Variants in MAD1L1 observed in about 807,000 individuals in gnomAD.
MAD1L1 encodes the protein mitotic arrest deficient 1 like 1, also known as mitotic spindle assembly checkpoint protein MAD1.
In MAD1L1, 95 loss-of-function variants were observed where a neutral mutation model predicts 96.9. The ratio of observed to expected loss-of-function variants is 0.98; its 90% CI spans 0.83 to 1.16. The LOEUF (loss-of-function observed/expected upper bound fraction) is 1.16, where lower values mean the gene tolerates loss of function less well. Ranked by LOEUF, MAD1L1 falls within the 50% of genes most tolerant of loss-of-function variation. The probability of loss-of-function intolerance (pLI) is 0.00; values close to 1 mark genes in which losing one functional copy is unlikely to be tolerated. For synonymous variants in MAD1L1, 473 were observed against 396.6 expected (o/e 1.19, Z -2.29); for missense variants, 1,007 against 954.4 (o/e 1.06, Z -0.73).
intron 15 of MAD1L1, among the ~76,000 whole-genome samples, chr7:1,979,750 C>T (rs964582034): frequency 1.3e-5 from 2 of 152,220 alleles, no homozygotes; most frequent in Non-Finnish European, 2.9e-5. Flanking sequence ...GGCTGCTGGA[C>T]ACGCCTGGCT....
At chr7:1,995,066 C>G (rs920597389) in intron 14 of MAD1L1, among the ~76,000 whole-genome samples, 2 of 152,224 alleles carry the variant, frequency 1.3e-5, no homozygotes, top group African/African-American at 4.8e-5. Flanking sequence ...GGTCTCTGTT[C>G]CCTCAGACAA....
intron 18 of MAD1L1, among the ~76,000 whole-genome samples, chr7:1,887,861 A>ACGTGTGTGTGTGGCTGCCTGGG (rs138793674): frequency 0.69 from 90,363 of 131,094 alleles, 30,726 homozygotes; most frequent in African/African-American, 0.8. Context: ...GTGTGTGTGC[A>ACGTGTGTGTGTGGCTGCCTGGG]CGTGTGTGTG....
chr7:2,069,739 C>T (rs1316387740), intron 11 of MAD1L1, among the ~76,000 whole-genome samples: 1 of 152,198 alleles, frequency 6.6e-6, no homozygotes, highest in African/African-American at 2.4e-5. Flanking sequence ...GGGGCCTGTT[C>T]TAAAAACATT....
At chr7:1,833,858 G>C (rs746099674) in intron 18 of MAD1L1, among the ~76,000 whole-genome samples, 13 of 152,196 alleles carry the variant, frequency 8.5e-5, no homozygotes, top group Non-Finnish European at 1.6e-4. Flanking sequence ...GGAGGCAGGA[G>C]AATCACTTGA....
intron 18 of MAD1L1, among the ~76,000 whole-genome samples, chr7:1,861,392 G>T (rs1239475088): frequency 6.6e-6 from 1 of 152,320 alleles, no homozygotes; most frequent in East Asian, 1.9e-4. Context: ...CTAAACAGAA[G>T]CGTCACTGCT....
intron 18 of MAD1L1, among the ~76,000 whole-genome samples, chr7:1,877,692 A>G (rs1479648057): frequency 6.6e-6 from 1 of 152,190 alleles, no homozygotes; most frequent in Non-Finnish European, 1.5e-5. Context: ...AGAAATATAG[A>G]TAGGTATATA....
At chr7:1,951,315 G>A (rs991501617) in intron 16 of MAD1L1, among the ~76,000 whole-genome samples, 4 of 152,238 alleles carry the variant, frequency 2.6e-5, no homozygotes, top group Admixed American at 6.5e-5. Context: ...AGGAGTGACC[G>A]AAGGACAGAG....
At chr7:2,178,423 C>T (rs567260130) in intron 10 of MAD1L1, among the ~76,000 whole-genome samples, 8 of 152,278 alleles carry the variant, frequency 5.3e-5, no homozygotes, top group South Asian at 2.1e-4. Flanking sequence ...TCAAAGATGG[C>T]GGTGCACATG....
chr7:2,164,147 C>T (rs537300870), intron 10 of MAD1L1, among the ~76,000 whole-genome samples: 53 of 152,252 alleles, frequency 3.5e-4, no homozygotes, highest in African/African-American at 1.2e-3. Context: ...TATAACGAAC[C>T]GCTGTATAAA....
chr7:1,874,936 A>G (rs1268601028), intron 18 of MAD1L1, among the ~76,000 whole-genome samples: 2 of 152,120 alleles, frequency 1.3e-5, no homozygotes, highest in Non-Finnish European at 2.9e-5. Context: ...GTGCCCAGTG[A>G]GTGGCCCCCA....
chr7:1,962,039 G>T (rs1779974482), intron 15 of MAD1L1, among the ~76,000 whole-genome samples: 1 of 151,964 alleles, frequency 6.6e-6, no homozygotes, highest in African/African-American at 2.4e-5. Flanking sequence ...GAATCACAGG[G>T]CGGTTTCCCC....
intron 11 of MAD1L1, among the ~76,000 whole-genome samples, chr7:2,106,306 C>A (rs372837885): frequency 2.6e-5 from 4 of 152,140 alleles, no homozygotes; most frequent in African/African-American, 9.6e-5. Flanking sequence ...CTGGAGACGG[C>A]CATGGTCACT....
intron 14 of MAD1L1, among the ~76,000 whole-genome samples, chr7:1,983,404 A>C (rs982973841): frequency 6.6e-6 from 1 of 152,136 alleles, no homozygotes; most frequent in Admixed American, 6.5e-5. Context: ...TTTTGGGACA[A>C]CGTTTTTCTA....
chr7:2,100,418 G>T (rs577853579), intron 11 of MAD1L1, among the ~76,000 whole-genome samples: 1 of 152,348 alleles, frequency 6.6e-6, no homozygotes, highest in African/African-American at 2.4e-5. Flanking sequence ...CCTGGAGGGG[G>T]TGCCACACTC....
chr7:2,185,913 C>T (rs545681997), intron 10 of MAD1L1, among the ~76,000 whole-genome samples: 8 of 152,326 alleles, frequency 5.3e-5, no homozygotes, highest in East Asian at 1.9e-4. Flanking sequence ...TGACCCCAGT[C>T]GGTCCATTAG....
chr7:1,828,614 T>C (rs1448641641), intron 18 of MAD1L1, among the ~76,000 whole-genome samples: 2 of 152,118 alleles, frequency 1.3e-5, no homozygotes, highest in Non-Finnish European at 2.9e-5. Context: ...CCACCTCACA[T>C]TTCCTAAACC....
intron 16 of MAD1L1, among the ~76,000 whole-genome samples, chr7:1,942,312 C>T (rs1044739993): frequency 2.0e-5 from 3 of 152,210 alleles, no homozygotes; most frequent in Non-Finnish European, 4.4e-5. Flanking sequence ...GGGCCCAGGA[C>T]CTCTGCTCCA....
In MAD1L1 at chr7:1,936,713, C is replaced by G; in HGVS notation, c.1781G>C (p.Ser594Thr). 6.4e-7 allele frequency: 1 copy of G among 1,558,066 alleles called. No homozygotes were observed. Among genetic ancestry groups the G allele is most frequent in the Middle Eastern group, 1.7e-4 (1 of 5,842 alleles). ...TGCCACCTCCTTGGACGATGGCAGA[C>G]TCGCGGCGGCAGCCTCAAGGTCGGC... ...VPADLEAAAASLPSSKEVAEL... is the reference protein window; with the variant it reads ...VPADLEAAAATLPSSKEVAEL... Residue 594 changes from serine to threonine, a missense_variant, in exon 17 of 19, where the codon AGT (serine) becomes ACT (threonine). Transcript: ENST00000265854.
rs567660399 is a variant in MAD1L1 at position 2,132,164 on chromosome 7, C to A, written c.1073+16988G>T. 4.6e-5 allele frequency among the ~76,000 whole-genome samples: 7 copies of A among 152,294 alleles called. No individual in the cohort carries two copies. In the South Asian group the frequency reaches 1.5e-3, roughly 32 times the overall value. On this transcript the variant is annotated intron_variant, in intron 11 of 18. Transcript: ENST00000265854. ...TTTTTGTTTTAAATTTACAGATATT[C>A]TTTTTTCAAGCAATTATAGGTTTAC...
Sources: allele counts gnomAD v4.1 joint callset (sites outside exome capture counted in the v4.1 genomes callset), GRCh38; gene constraint gnomAD v4.1.1; transcripts MANE v1.5; gene names NCBI Gene and HGNC (gene_info 2026-07-23, HGNC 2026-07-21).